NRN1: variants seen among roughly 807,000 people sequenced by gnomAD.
NRN1 encodes neuritin.
Under a neutral mutation model 15.0 loss-of-function variants are expected in NRN1, and 4 were observed. The ratio of observed to expected loss-of-function variants is 0.27; its 90% CI spans 0.13 to 0.61. The LOEUF (loss-of-function observed/expected upper bound fraction) is 0.61, where lower values mean the gene tolerates loss of function less well. NRN1 is among the 20% of genes least tolerant of loss of function. NRN1 has a pLI of 0.87. For missense variants in NRN1, 134 were observed against 181.9 expected (o/e 0.74, Z 1.51); for synonymous variants, 85 against 79.8 (o/e 1.07, Z -0.35).
intron 1 of NRN1, chr6:6,003,629 C>T: frequency 9.7e-7 from 1 of 1,029,394 alleles, no homozygotes; most frequent in Non-Finnish European, 1.2e-6. Context: ...GCACGAAGGT[C>T]CAAGCCCCAA....
At chr6:6,000,754 C>CTTTTTTTTTTT (rs1561902807) in intron 2 of NRN1, among the ~76,000 whole-genome samples, 19 of 83,754 alleles carry the variant, frequency 2.3e-4, no homozygotes, top group African/African-American at 4.5e-4. Flanking sequence ...TTTTTATGTA[C>CTTTTTTTTTTT]GCCCAGATGA....
At chr6:6,000,994 G>A (rs1213455878) in intron 2 of NRN1, among the ~76,000 whole-genome samples, 1 of 152,074 alleles carries the variant, frequency 6.6e-6, no homozygotes, top group East Asian at 1.9e-4. Context: ...AATGACAGAG[G>A]ATTTGGGAGC....
intron 2 of NRN1, among the ~76,000 whole-genome samples, chr6:6,000,119 G>T (rs1757901379): frequency 6.6e-6 from 1 of 152,198 alleles, no homozygotes; most frequent in Non-Finnish European, 1.5e-5. Flanking sequence ...AGGATGTAGC[G>T]CCAGCCTCCA....
At chr6:6,005,483 C>T (rs1440429119) in intron 1 of NRN1, among the ~76,000 whole-genome samples, 3 of 152,196 alleles carry the variant, frequency 2.0e-5, no homozygotes, top group African/African-American at 4.8e-5. Flanking sequence ...ATGTCAGTTG[C>T]ATAAAACCCC....
At chr6:6,007,233 G>A (rs1758134318), upstream of NRN1, among the ~76,000 whole-genome samples, 3 of 151,900 alleles carry the variant, frequency 2.0e-5, no homozygotes, top group South Asian at 6.2e-4. Context: ...CCTCGTTCCG[G>A]GGGCCCCCCA....
intron 1 of NRN1, among the ~76,000 whole-genome samples, chr6:6,005,192 T>C (rs1034054640): frequency 2.0e-5 from 3 of 152,190 alleles, no homozygotes; most frequent in African/African-American, 7.2e-5. Context: ...GTCCCAAATC[T>C]TGTCCGATTA....
At chr6:6,003,948 C>G in intron 1 of NRN1, 1 of 1,226,212 alleles carries the variant, frequency 8.2e-7, no homozygotes, top group Non-Finnish European at 1.0e-6. Context: ...GAATGTGTCC[C>G]GGGAGGACCG....
chr6:6,004,024 A>G (rs1365415440), intron 1 of NRN1: 1 of 1,195,856 alleles, frequency 8.4e-7, no homozygotes, highest in Non-Finnish European at 1.0e-6. Context: ...GACGCCGAAG[A>G]GGAAGGTGAC....
At chr6:6,002,661 G>A (rs1031312205) in intron 1 of NRN1, among the ~76,000 whole-genome samples, 164 bp from the exon 2 acceptor site, 2 of 152,256 alleles carry the variant, frequency 1.3e-5, no homozygotes. Flanking sequence ...TGAAAGACGT[G>A]ACCCAGGAAT....
intron 2 of NRN1, 21 bp from the exon 3 acceptor site, chr6:5,999,225 A>G (rs1424966108): frequency 6.3e-7 from 1 of 1,597,978 alleles, no homozygotes; most frequent in Non-Finnish European, 8.6e-7. Context: ...ACAGAACAAA[A>G]CAGAACAAGC....
intron 1 of NRN1, chr6:6,003,762 T>C: frequency 4.1e-6 from 5 of 1,234,168 alleles, no homozygotes; most frequent in Non-Finnish European, 5.1e-6. Flanking sequence ...CGAACCCGGC[T>C]GGAAGCTGAG....
chr6:5,999,263 C>A (rs1300362569), intron 2 of NRN1, 59 bp from the exon 3 acceptor site: 3 of 1,476,396 alleles, frequency 2.0e-6, no homozygotes, highest in African/African-American at 2.8e-5. Flanking sequence ...CGGGAACACC[C>A]CGGGCTTGCG....
intron 2 of NRN1, among the ~76,000 whole-genome samples, chr6:5,999,457 G>A (rs3749861): frequency 1.3e-5 from 2 of 152,364 alleles, no homozygotes; most frequent in East Asian, 3.9e-4. Context: ...TTCCCTTCCA[G>A]TTGCCGGGAG....
chr6:6,007,113 T>C (rs964521630), upstream of NRN1: 1 of 233,168 alleles, frequency 4.3e-6, no homozygotes, highest in Non-Finnish European at 8.4e-6. Context: ...CCATTTATAG[T>C]CATCAGAAGC....
intron 1 of NRN1, among the ~76,000 whole-genome samples, chr6:6,003,485 G>C (rs981339684): frequency 6.6e-6 from 1 of 152,344 alleles, no homozygotes; most frequent in African/African-American, 2.4e-5. Flanking sequence ...TCTTCTCCAG[G>C]TGCCAGCCCT....
At chr6:6,003,960 A>T (rs1582993922) in intron 1 of NRN1, 1 of 1,224,730 alleles carries the variant, frequency 8.2e-7, no homozygotes, top group African/African-American at 1.6e-5. Context: ...GGAGGACCGG[A>T]CACCTCAATC....
At chr6:5,999,318 T>TC (rs1757866143) in intron 2 of NRN1, 114 bp from the exon 3 acceptor site, 1 of 837,572 alleles carries the variant, frequency 1.2e-6, no homozygotes. Context: ...TCCCGGGGTG[T>TC]CCCCTCCCTA....
chr6:6,006,933 G>C (rs1413075031), upstream of NRN1: 8 of 253,118 alleles, frequency 3.2e-5, no homozygotes, highest in Admixed American at 5.4e-5. Context: ...GAGAGAGAGA[G>C]AGAGAAAGAG....
At chr6:6,006,636 C>T (rs1321343516) in intron 1 of NRN1, 59 bp downstream of exon 1, 2 of 1,566,632 alleles carry the variant, frequency 1.3e-6, no homozygotes, top group South Asian at 1.1e-5. Context: ...CTCCGCGCCT[C>T]GGGCCGGGGC....
Sources: gnomAD v4.1 joint callset for allele counts (sites outside exome capture counted in the v4.1 genomes callset) on GRCh38, gnomAD v4.1.1 for gene constraint, MANE v1.5 for transcripts, NCBI Gene and HGNC (gene_info 2026-07-23, HGNC 2026-07-21) for gene names.